Variants in PGAP4 observed in about 807,000 individuals in gnomAD.
PGAP4 encodes the protein post-GPI attachment to proteins GalNAc transferase 4, also known as GPI-N-acetylgalactosamine transferase PGAP4.
A neutral mutation model predicts 28.2 loss-of-function variants in PGAP4; 12 were observed. The observed-to-expected ratio is 0.42, with a 90% confidence interval of 0.27 to 0.69. PGAP4 has a LOEUF of 0.69. Ranked by LOEUF, PGAP4 falls within the 30% of genes least tolerant of loss-of-function variation. PGAP4 has a pLI of 0.22. For synonymous variants in PGAP4, 205 were observed against 211.8 expected, an observed-to-expected ratio of 0.97 and a Z score of 0.28; for missense variants, 425 against 513.5, an observed-to-expected ratio of 0.83 and a Z score of 1.67.
At chr9:101,480,351 T>TTTG (rs34126098) in intron 1 of PGAP4, among the ~76,000 whole-genome samples, 14 of 142,612 alleles carry the variant, frequency 9.8e-5, no homozygotes, top group African/African-American at 2.0e-4. Context: ...AGAACTGTTT[T>TTTG]TTGTTGTTGT....
intron 2 of PGAP4, among the ~76,000 whole-genome samples, chr9:101,527,864 T>A (rs1250029953): frequency 6.6e-6 from 1 of 152,232 alleles, no homozygotes; most frequent in Non-Finnish European, 1.5e-5. Flanking sequence ...GTATACAGCA[T>A]GACATGGATT....
intron 2 of PGAP4, among the ~76,000 whole-genome samples, chr9:101,515,751 GA>G: frequency 6.6e-6 from 1 of 152,056 alleles, no homozygotes; most frequent in South Asian, 2.1e-4. Context: ...GAAACATTGA[GA>G]ATTAACAAAT....
chr9:101,478,868 T>G (rs1392298036), intron 1 of PGAP4, among the ~76,000 whole-genome samples: 2 of 152,230 alleles, frequency 1.3e-5, no homozygotes, highest in Non-Finnish European at 2.9e-5. Context: ...AACCACTGTG[T>G]CTAGACACCA....
chr9:101,481,069 C>T (rs1052670897), intron 1 of PGAP4, among the ~76,000 whole-genome samples: 2 of 152,094 alleles, frequency 1.3e-5, no homozygotes, highest in African/African-American at 2.4e-5. Flanking sequence ...CCTAGCTACT[C>T]AGTAGGCTGA....
At chr9:101,496,622 A>T (rs554765776) in intron 2 of PGAP4, among the ~76,000 whole-genome samples, 1 of 151,558 alleles carries the variant, frequency 6.6e-6, no homozygotes, top group African/African-American at 2.4e-5. Flanking sequence ...ATACATTTTT[A>T]ATGAACTTTA....
At chr9:101,533,409 C>A (rs1172925550) in exon 1 of PGAP4, 2 of 152,268 alleles carry the variant, frequency 1.3e-5, no homozygotes, top group East Asian at 1.9e-4. Flanking sequence ...CCCTCAGATT[C>A]TCTCCAGAAC....
intron 2 of PGAP4, among the ~76,000 whole-genome samples, chr9:101,504,124 CTACTT>C (rs1774199945): frequency 6.7e-6 from 1 of 150,220 alleles, no homozygotes; most frequent in Admixed American, 6.7e-5. Context: ...GAAGTCCTCT[CTACTT>C]TATCCCTTAC....
intron 2 of PGAP4, among the ~76,000 whole-genome samples, chr9:101,504,226 T>G (rs1377791973): frequency 1.2e-4 from 17 of 140,752 alleles, no homozygotes; most frequent in African/African-American, 3.4e-4. Flanking sequence ...TTTTTTTTTT[T>G]TTTTTTTTTT....
rs1400109823 is a variant in PGAP4 at position 101,475,030 on chromosome 9, A to G, written c.*851T>C. 1 of 151,782 alleles carries G rather than the reference A, an allele frequency of 6.6e-6. No individual in the cohort carries two copies. Among genetic ancestry groups the G allele is most frequent in the African/African-American group, 2.4e-5 (1 of 41,272 alleles). The allele number at this position is 151,782 out of a possible 1,614,324, so 9.4% of individuals were successfully genotyped here. On this transcript the variant is annotated 3_prime_UTR_variant, in exon 2 of 2. Transcript: ENST00000374848. The stretch of plus-strand genomic sequence containing the variant: ...CTATAACATCATGCTACCTAGAAGA[A>G]AAAGAAATGAAGGTAAGCAGTCAGC...
chr9:101,488,247 T>C (rs1826652475), upstream of PGAP4, among the ~76,000 whole-genome samples: 1 of 152,128 alleles, frequency 6.6e-6, no homozygotes, highest in Non-Finnish European at 1.5e-5. Flanking sequence ...TCATTAGGAA[T>C]GCTGGAAAAC....
chr9:101,474,986 G>GCTTTTTT lies in PGAP4; in HGVS notation c.*894_*895insAAAAAAG, dbSNP rs148013361. 10 of 141,540 alleles carry GCTTTTTT rather than the reference G, an allele frequency of 7.1e-5. 1 individual carries two copies. The highest frequency in any genetic ancestry group is 5.3e-5 in the African/African-American group (2 of 37,544). 8.8% of individuals were successfully genotyped at this position (141,540 alleles called of 1,614,324 possible). On this transcript the variant is annotated 3_prime_UTR_variant, in exon 2 of 2. Transcript: ENST00000374848. Reference sequence around the variant, plus strand: ...GTCAGGTCTTCTGACTTCAGTCCATGATTTTTTTTTTTTTTTTTCTATAAC... The same window carrying GCTTTTTT: ...GTCAGGTCTTCTGACTTCAGTCCATGCTTTTTTATTTTTTTTTTTTTTTTTCTATAAC...
At chr9:101,529,357 G>T (rs909642005) in intron 2 of PGAP4, among the ~76,000 whole-genome samples, 2 of 152,110 alleles carry the variant, frequency 1.3e-5, no homozygotes, top group African/African-American at 2.4e-5. Flanking sequence ...GTTTCACCAT[G>T]TTGGCCAGGC....
chr9:101,516,190 G>A (rs1199826140), intron 2 of PGAP4, among the ~76,000 whole-genome samples: 1 of 151,952 alleles, frequency 6.6e-6, no homozygotes, highest in East Asian at 1.9e-4. Flanking sequence ...CTCCTTATTG[G>A]CCACTTTGTG....
chr9:101,482,436 T>G (rs1826515389), intron 1 of PGAP4, among the ~76,000 whole-genome samples: 1 of 152,202 alleles, frequency 6.6e-6, no homozygotes, highest in Non-Finnish European at 1.5e-5. Context: ...ACAGTGAGAC[T>G]GTGACGATGA....
At chr9:101,516,338 A>G (rs1296797838) in intron 2 of PGAP4, among the ~76,000 whole-genome samples, 1 of 152,154 alleles carries the variant, frequency 6.6e-6, no homozygotes, top group East Asian at 1.9e-4. Flanking sequence ...TTTTACAGCA[A>G]CATTTTTATT....
intron 2 of PGAP4, among the ~76,000 whole-genome samples, chr9:101,520,896 G>A (rs1362398287): frequency 6.8e-6 from 1 of 147,104 alleles, no homozygotes; most frequent in Non-Finnish European, 1.5e-5. Context: ...TGTCCCTTGT[G>A]TGCTGATTTT....
chr9:101,530,498 T>C (rs1379495836), intron 2 of PGAP4, among the ~76,000 whole-genome samples: 3 of 152,260 alleles, frequency 2.0e-5, no homozygotes, highest in African/African-American at 7.2e-5. Context: ...TGAAATAAAA[T>C]ATTAAGTATT....
intron 2 of PGAP4, among the ~76,000 whole-genome samples, chr9:101,495,655 T>C (rs1826740465): frequency 1.3e-5 from 2 of 150,060 alleles, no homozygotes; most frequent in Non-Finnish European, 1.5e-5. Context: ...ACCAGAGTGA[T>C]AACCAAAAGA....
chr9:101,531,301 T>C (rs1236077202), intron 2 of PGAP4: 1 of 152,188 alleles, frequency 6.6e-6, no homozygotes, highest in South Asian at 2.1e-4. Flanking sequence ...AACTGGAACT[T>C]TTGAGAAAGA....
Sources: gnomAD v4.1 joint callset for allele counts (sites outside exome capture counted in the v4.1 genomes callset) on GRCh38, gnomAD v4.1.1 for gene constraint, MANE v1.5 for transcripts, NCBI Gene and HGNC (gene_info 2026-07-23, HGNC 2026-07-21) for gene names.